AKT3: variants seen among roughly 807,000 people sequenced by gnomAD.
AKT3 encodes AKT serine/threonine kinase 3, also known as RAC-gamma serine/threonine-protein kinase.
Under a neutral mutation model 65.3 loss-of-function variants are expected in AKT3, and 15 were observed. The observed-to-expected ratio is 0.23, with a 90% CI of 0.15 to 0.35. The LOEUF is 0.35. Ranked by LOEUF, AKT3 falls within the 10% of genes least tolerant of loss-of-function variation. The probability of loss-of-function intolerance (pLI) is 1.00; values close to 1 mark genes in which losing one functional copy is unlikely to be tolerated. For synonymous variants in AKT3, 206 were observed against 183.8 expected (o/e 1.12, Z -0.98); for missense variants, 243 against 576.5 (o/e 0.42, Z 5.92).
At chr1:243,611,034 A>G (rs148967961) in intron 8 of AKT3, among the ~76,000 whole-genome samples, 16 of 152,326 alleles carry the variant, frequency 1.1e-4, no homozygotes, top group Non-Finnish European at 1.6e-4. Context: ...TGTAGGATAA[A>G]TTCTTAGAAA....
At chr1:243,837,872 G>A (rs1242045106) in intron 2 of AKT3, among the ~76,000 whole-genome samples, 3 of 152,150 alleles carry the variant, frequency 2.0e-5, no homozygotes, top group Non-Finnish European at 4.4e-5. Flanking sequence ...ACAATGTACT[G>A]GAGGTCCTAT....
intron 2 of AKT3, among the ~76,000 whole-genome samples, chr1:243,731,685 T>C (rs1326775040): frequency 1.3e-5 from 2 of 152,236 alleles, no homozygotes; most frequent in Non-Finnish European, 2.9e-5. Context: ...TGTAAACTAA[T>C]AGTTTGTGCC....
At chr1:243,652,890 A>G (rs1223798247) in intron 4 of AKT3, among the ~76,000 whole-genome samples, 15 of 152,006 alleles carry the variant, frequency 9.9e-5, no homozygotes, top group African/African-American at 3.1e-4. Context: ...AAAGGGATCG[A>G]TGCAACAAAA....
intron 13 of AKT3, among the ~76,000 whole-genome samples, chr1:243,510,068 A>G (rs1445047778): frequency 6.6e-6 from 1 of 152,202 alleles, no homozygotes. Context: ...CCAAAATAAC[A>G]TATTTACTTG....
intron 8 of AKT3, among the ~76,000 whole-genome samples, chr1:243,611,407 G>A (rs1306236151): frequency 1.3e-5 from 2 of 152,106 alleles, no homozygotes; most frequent in Admixed American, 1.3e-4. Context: ...ATATGGCCAG[G>A]TGTGATGGCT....
intron 13 of AKT3, among the ~76,000 whole-genome samples, chr1:243,506,521 C>T (rs1353739570): frequency 6.6e-6 from 1 of 152,246 alleles, no homozygotes; most frequent in African/African-American, 2.4e-5. Flanking sequence ...GAGGAGGGGG[C>T]TCTGCCTTTG....
intron 2 of AKT3, among the ~76,000 whole-genome samples, chr1:243,759,276 C>A (rs1002608644): frequency 6.6e-6 from 1 of 152,060 alleles, no homozygotes; most frequent in Non-Finnish European, 1.5e-5. Context: ...GATCGGACCA[C>A]TGCACTGCAC....
intron 8 of AKT3, among the ~76,000 whole-genome samples, chr1:243,605,817 C>CA (rs1385406672): frequency 2.0e-5 from 3 of 152,174 alleles, no homozygotes; most frequent in Non-Finnish European, 4.4e-5. Flanking sequence ...GCTGTGTTCC[C>CA]ACCCAAATCT....
chr1:243,721,883 T>A (rs944265570), intron 2 of AKT3, among the ~76,000 whole-genome samples: 1 of 152,120 alleles, frequency 6.6e-6, no homozygotes, highest in African/African-American at 2.4e-5. Context: ...CAGATAACTT[T>A]TTTAAGAAAA....
intron 2 of AKT3, among the ~76,000 whole-genome samples, chr1:243,833,436 A>G: frequency 6.6e-6 from 1 of 152,056 alleles, no homozygotes; most frequent in South Asian, 2.1e-4. Flanking sequence ...AAGGGGAAGA[A>G]CCCCTTATAA....
chr1:243,618,549 T>C (rs535138509), intron 6 of AKT3, among the ~76,000 whole-genome samples: 5 of 152,224 alleles, frequency 3.3e-5, no homozygotes, highest in African/African-American at 1.2e-4. Context: ...CATCTGTTGA[T>C]CATAATTATG....
intron 4 of AKT3, among the ~76,000 whole-genome samples, chr1:243,648,872 G>A (rs1005718967): frequency 2.0e-5 from 3 of 151,704 alleles, no homozygotes; most frequent in Non-Finnish European, 2.9e-5. Context: ...AGTACTTTTG[G>A]TTTTATTAAT....
intron 8 of AKT3, among the ~76,000 whole-genome samples, chr1:243,581,856 C>T (rs1388272427): frequency 6.6e-6 from 1 of 151,630 alleles, no homozygotes; most frequent in South Asian, 2.1e-4. Flanking sequence ...CTAAAGTAAT[C>T]CAGGAAATGA....
At chr1:243,644,085 A>G (rs541637552) in intron 5 of AKT3, among the ~76,000 whole-genome samples, 11 of 152,312 alleles carry the variant, frequency 7.2e-5, no homozygotes, top group Admixed American at 2.6e-4. Context: ...CTTCAAACAT[A>G]TAAGATCTTT....
chr1:243,595,292 T>A (rs912544328), intron 8 of AKT3, among the ~76,000 whole-genome samples: 1 of 152,182 alleles, frequency 6.6e-6, no homozygotes, highest in Non-Finnish European at 1.5e-5. Flanking sequence ...AAAAACGATA[T>A]ACCTGTCTAT....
At chr1:243,552,587 TA>T in intron 11 of AKT3, 141 bp downstream of exon 11, 1 of 770,842 alleles carries the variant, frequency 1.3e-6, no homozygotes, top group Non-Finnish European at 2.1e-6. Flanking sequence ...ATTATGCAGT[TA>T]AAAATAAGTC....
At chr1:243,724,988 A>C (rs1470637642) in intron 2 of AKT3, among the ~76,000 whole-genome samples, 3 of 151,834 alleles carry the variant, frequency 2.0e-5, no homozygotes, top group African/African-American at 7.3e-5. Context: ...GGATCACTTG[A>C]GGCCAGGAGT....
At chr1:243,685,964 GACAA>G (rs747559196) in intron 3 of AKT3, among the ~76,000 whole-genome samples, 2 of 152,088 alleles carry the variant, frequency 1.3e-5, no homozygotes, top group African/African-American at 4.8e-5. Context: ...AACAATAACA[GACAA>G]ACAGAGAGCC....
At chr1:243,643,964 TAA>T (rs370514769) in intron 5 of AKT3, among the ~76,000 whole-genome samples, 2 of 152,238 alleles carry the variant, frequency 1.3e-5, no homozygotes, top group South Asian at 2.1e-4. Context: ...CACTTGAGGC[TAA>T]GTCATTAGGA....
Sources: gnomAD v4.1 joint callset for allele counts (sites outside exome capture counted in the v4.1 genomes callset) on GRCh38, gnomAD v4.1.1 for gene constraint, MANE v1.5 for transcripts, NCBI Gene and HGNC (gene_info 2026-07-23, HGNC 2026-07-21) for gene names.